The following KCNH1 variants were observed in gnomAD, a reference collection of about 807,000 sequenced individuals.
KCNH1 encodes the protein potassium voltage-gated channel subfamily H member 1, also known as voltage-gated delayed rectifier potassium channel KCNH1.
Under a neutral mutation model 69.2 loss-of-function variants are expected in KCNH1, and 27 were observed. The ratio of observed to expected loss-of-function variants is 0.39; its 90% CI spans 0.29 to 0.54. KCNH1 has a LOEUF of 0.54. KCNH1 is among the 20% of genes least tolerant of loss of function. The pLI is 0.68. For missense variants in KCNH1, 798 were observed against 1,261.6 expected (o/e 0.63, Z 5.57); for synonymous variants, 456 against 487.7 (o/e 0.93, Z 0.86).
At chr1:210,806,830 AAAAAAAATATAT>A (rs1684583408) in intron 7 of KCNH1, among the ~76,000 whole-genome samples, 1 of 56,016 alleles carries the variant, frequency 1.8e-5, no homozygotes, top group African/African-American at 5.8e-5. Flanking sequence ...AAAAAAAAAA[AAAAAAAATATAT>A]ATATATATAT....
intron 5 of KCNH1, among the ~76,000 whole-genome samples, chr1:211,026,815 G>A (rs987659675): frequency 2.0e-5 from 3 of 152,076 alleles, no homozygotes; most frequent in African/African-American, 4.8e-5. Flanking sequence ...ACCCAGAGAG[G>A]TATCCATGTA....
At chr1:210,713,232 T>C (rs184550577) in intron 10 of KCNH1, among the ~76,000 whole-genome samples, 3 of 152,276 alleles carry the variant, frequency 2.0e-5, no homozygotes, top group East Asian at 1.9e-4. Context: ...AAATGAGATA[T>C]AGCCAAGTAC....
chr1:211,064,929 C>T (rs747536674), intron 5 of KCNH1, among the ~76,000 whole-genome samples: 7 of 152,070 alleles, frequency 4.6e-5, no homozygotes, highest in East Asian at 1.9e-4. Flanking sequence ...ATTTAAATCA[C>T]GATGAGATAC....
rs1239562905 is a variant in KCNH1, at chr1:210,804,179, A to G, written c.1463-13T>C. 1 of 1,597,946 alleles carries G rather than the reference A, an allele frequency of 6.3e-7. No homozygotes were observed. The highest frequency in any genetic ancestry group is 8.5e-7 in the Non-Finnish European group (1 of 1,170,864). ...GCATAGAGAAGTGCTAGAGGTGAGG[A>G]GGAGGAGCAAAAGAAGAAATAACAA... is the stretch of plus-strand genomic sequence containing the variant. On this transcript the variant is annotated splice_polypyrimidine_tract_variant and intron_variant, in intron 7 of 10. Coordinates refer to ENST00000271751, the MANE Select transcript of KCNH1 (RefSeq NM_172362.3).
intron 5 of KCNH1, among the ~76,000 whole-genome samples, chr1:211,026,678 T>C (rs991358422): frequency 2.0e-5 from 3 of 152,126 alleles, no homozygotes; most frequent in Admixed American, 1.3e-4. Flanking sequence ...TTCCACACAA[T>C]GCCACCTCCA....
chr1:211,123,118 T>A (rs544251868), intron 1 of KCNH1, among the ~76,000 whole-genome samples: 2 of 152,206 alleles, frequency 1.3e-5, no homozygotes, highest in East Asian at 3.9e-4. Context: ...TTGTCCATTT[T>A]TAAGCTATGC....
chr1:211,122,055 G>C (rs556446537), intron 1 of KCNH1, among the ~76,000 whole-genome samples: 1 of 151,972 alleles, frequency 6.6e-6, no homozygotes, highest in Non-Finnish European at 1.5e-5. Context: ...GGAGAATGGC[G>C]TGAACCTGGG....
chr1:211,061,670 C>T (rs754027781), intron 5 of KCNH1, among the ~76,000 whole-genome samples: 16 of 151,566 alleles, frequency 1.1e-4, no homozygotes, highest in Non-Finnish European at 2.1e-4. Flanking sequence ...TTTTATATAC[C>T]AAGAGCAAAC....
intron 1 of KCNH1, among the ~76,000 whole-genome samples, chr1:211,109,901 AAAAAAT>A (rs2102488187): frequency 6.6e-6 from 1 of 152,218 alleles, no homozygotes; most frequent in African/African-American, 2.4e-5. Flanking sequence ...TATGAGGAAA[AAAAAAT>A]AAGGGAACAA....
chr1:210,996,387 T>C (rs1490771756), intron 6 of KCNH1, among the ~76,000 whole-genome samples: 3 of 152,188 alleles, frequency 2.0e-5, no homozygotes, highest in Non-Finnish European at 4.4e-5. Context: ...CGCTCATTGC[T>C]AGCACAGCAG....
chr1:210,911,433 G>T (rs944686652), intron 7 of KCNH1, among the ~76,000 whole-genome samples: 1 of 151,918 alleles, frequency 6.6e-6, no homozygotes, highest in African/African-American at 2.4e-5. Flanking sequence ...ATTATAATGT[G>T]GAGATGTTGC....
chr1:210,971,438 T>C (rs1244978222), intron 6 of KCNH1, among the ~76,000 whole-genome samples: 3 of 152,202 alleles, frequency 2.0e-5, no homozygotes, highest in Non-Finnish European at 1.5e-5. Context: ...ACAGTCATTA[T>C]TGAAAATAAA....
At chr1:210,910,187 A>G (rs1021548823) in intron 7 of KCNH1, among the ~76,000 whole-genome samples, 6 of 151,850 alleles carry the variant, frequency 4.0e-5, no homozygotes, top group Admixed American at 6.6e-5. Flanking sequence ...GCACCAAAAA[A>G]AAAAATTTCA....
intron 5 of KCNH1, among the ~76,000 whole-genome samples, chr1:211,020,359 T>C (rs1266321694): frequency 1.3e-5 from 2 of 152,036 alleles, no homozygotes; most frequent in African/African-American, 4.8e-5. Flanking sequence ...AATAATCATA[T>C]GCCAACAAAT....
chr1:210,747,728 A>T (rs1683193349), intron 10 of KCNH1, among the ~76,000 whole-genome samples: 1 of 151,988 alleles, frequency 6.6e-6, no homozygotes, highest in African/African-American at 2.4e-5. Flanking sequence ...TGAATGTAAT[A>T]GTATTCTACC....
At chr1:210,976,367 T>C (rs11119643) in intron 6 of KCNH1, among the ~76,000 whole-genome samples, 2 of 143,078 alleles carry the variant, frequency 1.4e-5, no homozygotes, top group African/African-American at 5.1e-5. Context: ...CCATCAATGA[T>C]AGACTAGATT....
intron 9 of KCNH1, among the ~76,000 whole-genome samples, chr1:210,779,961 G>A (rs984618970): frequency 3.3e-5 from 5 of 152,194 alleles, no homozygotes; most frequent in Non-Finnish European, 7.3e-5. Context: ...CAGGGCCAGG[G>A]AGGGGCACAG....
intron 5 of KCNH1, among the ~76,000 whole-genome samples, chr1:211,029,174 A>G (rs2102421204): frequency 6.7e-6 from 1 of 149,572 alleles, no homozygotes; most frequent in African/African-American, 2.4e-5. Context: ...TACAAAAAAA[A>G]AAAAAAAAAA....
intron 10 of KCNH1, among the ~76,000 whole-genome samples, chr1:210,692,613 C>T (rs1337967199): frequency 3.7e-4 from 57 of 152,164 alleles, no homozygotes; most frequent in Non-Finnish European, 5.9e-5. Context: ...AAGATGAGAT[C>T]ATCCTGCATT....
Sources: allele counts gnomAD v4.1 joint callset (sites outside exome capture counted in the v4.1 genomes callset), GRCh38; gene constraint gnomAD v4.1.1; transcripts MANE v1.5; gene names NCBI Gene and HGNC (gene_info 2026-07-23, HGNC 2026-07-21).